TENM4: variants seen among roughly 807,000 people sequenced by gnomAD.
TENM4 encodes teneurin-4.
Under a neutral mutation model 243.3 loss-of-function variants are expected in TENM4, and 82 were observed. The observed-to-expected ratio is 0.34, with a 90% confidence interval of 0.28 to 0.40. The LOEUF is 0.40. Ranked by LOEUF, TENM4 falls within the 10% of genes least tolerant of loss-of-function variation. The pLI, the probability that TENM4 is intolerant of heterozygous loss-of-function variation, is 1.00. For synonymous variants in TENM4, 1,412 were observed against 1,456.3 expected (o/e 0.97, Z 0.69); for missense variants, 3,138 against 3,673.3 (o/e 0.85, Z 3.77).
chr11:79,064,470 C>A (rs1412153579), intron 6 of TENM4: 2 of 462,430 alleles, frequency 4.3e-6, no homozygotes, highest in Admixed American at 3.6e-5. Context: ...TGCTCCCCTG[C>A]ACACAGGCAC....
chr11:79,371,252 A>G (rs1857779120), intron 1 of TENM4, among the ~76,000 whole-genome samples: 1 of 152,152 alleles, frequency 6.6e-6, no homozygotes, highest in South Asian at 2.1e-4. Flanking sequence ...CTACCTAGTC[A>G]AGGTAAGTAC....
At chr11:78,943,325 G>C (rs180958833) in intron 6 of TENM4, among the ~76,000 whole-genome samples, 2 of 152,182 alleles carry the variant, frequency 1.3e-5, no homozygotes, top group Non-Finnish European at 2.9e-5. Context: ...CTTGACTCTT[G>C]GAAGAAGTGA....
chr11:78,798,326 C>T (rs1857207803), intron 15 of TENM4, among the ~76,000 whole-genome samples: 1 of 152,176 alleles, frequency 6.6e-6, no homozygotes, highest in Admixed American at 6.5e-5. Flanking sequence ...CAGGGCTTTT[C>T]AGCGCCATAT....
intron 30 of TENM4, among the ~76,000 whole-genome samples, chr11:78,675,900 A>G (rs188586248): frequency 2.8e-4 from 42 of 152,320 alleles, no homozygotes; most frequent in Non-Finnish European, 3.2e-4. Flanking sequence ...GATCTGTCCA[A>G]GCTCACTCAG....
intron 1 of TENM4, among the ~76,000 whole-genome samples, chr11:79,433,395 C>T (rs1859207575): frequency 6.6e-6 from 1 of 152,094 alleles, no homozygotes; most frequent in Admixed American, 6.5e-5. Flanking sequence ...CTCTCTTCTC[C>T]CAAACCAATT....
intron 12 of TENM4, among the ~76,000 whole-genome samples, chr11:78,831,289 G>A (rs1857973201): frequency 1.3e-5 from 2 of 152,242 alleles, no homozygotes; most frequent in African/African-American, 4.8e-5. Context: ...CTGCTGTACT[G>A]TAACACGAGC....
intron 19 of TENM4, among the ~76,000 whole-genome samples, chr11:78,740,309 G>C (rs1174405998): frequency 6.6e-6 from 1 of 152,102 alleles, no homozygotes; most frequent in African/African-American, 2.4e-5. Context: ...GTGTCAGCTT[G>C]TCCTTTCTGA....
intron 6 of TENM4, among the ~76,000 whole-genome samples, chr11:78,981,851 T>C (rs1357426720): frequency 6.6e-6 from 1 of 152,160 alleles, no homozygotes; most frequent in Non-Finnish European, 1.5e-5. Context: ...ACCCTTATTG[T>C]TGAGCCATGT....
intron 25 of TENM4, among the ~76,000 whole-genome samples, chr11:78,714,797 T>C (rs572131523): frequency 1.6e-4 from 25 of 151,700 alleles, no homozygotes; most frequent in African/African-American, 5.1e-4. Flanking sequence ...CTCCCTTTCC[T>C]ACTCACCCTT....
chr11:79,374,105 C>G (rs1375057388), intron 1 of TENM4, among the ~76,000 whole-genome samples: 1 of 152,118 alleles, frequency 6.6e-6, no homozygotes, highest in Non-Finnish European at 1.5e-5. Context: ...GAATTCAAGC[C>G]AGCACGAAGG....
At chr11:78,835,983 C>T in intron 12 of TENM4, among the ~76,000 whole-genome samples, 1 of 152,204 alleles carries the variant, frequency 6.6e-6, no homozygotes, top group Non-Finnish European at 1.5e-5. Flanking sequence ...CACAAAAATA[C>T]ATGAATGAAT....
intron 1 of TENM4, among the ~76,000 whole-genome samples, chr11:79,324,961 C>T (rs1199754787): frequency 6.6e-6 from 1 of 152,180 alleles, no homozygotes; most frequent in African/African-American, 2.4e-5. Flanking sequence ...CCTCTCTGTG[C>T]CTTCAGTCCC....
intron 29 of TENM4, among the ~76,000 whole-genome samples, chr11:78,683,961 G>A (rs1429884515): frequency 3.9e-5 from 6 of 152,080 alleles, no homozygotes; most frequent in Non-Finnish European, 5.9e-5. Flanking sequence ...CACTGCCCCC[G>A]TCTTCAGTAA....
In TENM4 at chr11:79,243,801, C is replaced by T. The variant is rs376569031; in HGVS notation, c.-264-27892G>A. On this transcript the variant is annotated intron_variant, in intron 2 of 33. Transcript: ENST00000278550. ...CGCTGAGGCTCAGATAAGTCATGTG[C>T]CAGCCAAGAGCAGGCGGCAACTGAG... Among the ~76,000 whole-genome samples the T allele has an allele frequency of 3.3e-5, 5 of 152,336 alleles. No individual in the cohort carries two copies. The East Asian group carries it at 5.8e-4, about 18-fold the overall frequency.
chr11:78,977,646 A>G (rs967540520), intron 6 of TENM4, among the ~76,000 whole-genome samples: 3 of 152,218 alleles, frequency 2.0e-5, no homozygotes, highest in African/African-American at 7.2e-5. Context: ...AATCAAAACC[A>G]CAATGAAATA....
intron 1 of TENM4, among the ~76,000 whole-genome samples, chr11:79,413,422 C>T (rs1590948623): frequency 1.3e-5 from 2 of 152,330 alleles, no homozygotes; most frequent in South Asian, 4.1e-4. Flanking sequence ...TTTCCCTTTC[C>T]CCGCCTCCCT....
At chr11:79,008,996 T>C (rs778753023) in intron 6 of TENM4, among the ~76,000 whole-genome samples, 13 of 152,240 alleles carry the variant, frequency 8.5e-5, no homozygotes, top group Non-Finnish European at 1.9e-4. Flanking sequence ...TTAGTTTGCA[T>C]TTTTGGATTA....
In TENM4 at chr11:78,877,412, G is replaced by A. The variant is rs547541174; in HGVS notation, c.1084+12373C>T. 1.5e-4 allele frequency among the ~76,000 whole-genome samples: 23 copies of A among 152,266 alleles called. 1 individual carries two copies. The highest frequency in any genetic ancestry group is 1.4e-3 in the Admixed American group (21 of 15,300). ...CTCAGTGCAAGAATAGCCATCAGGG[G>A]GGCTGTTTTCTCTTTCTCTCTGCAC... On this transcript the variant is annotated intron_variant, in intron 9 of 33. Coordinates refer to ENST00000278550, the MANE Select transcript of TENM4 (RefSeq NM_001098816.3).
chr11:79,370,001 G>A (rs780502960), intron 1 of TENM4, among the ~76,000 whole-genome samples: 8 of 152,160 alleles, frequency 5.3e-5, no homozygotes, highest in Non-Finnish European at 8.8e-5. Context: ...GCAATTTTCC[G>A]TAAGCTGCTT....
Sources: allele counts gnomAD v4.1 joint callset (sites outside exome capture counted in the v4.1 genomes callset), GRCh38; gene constraint gnomAD v4.1.1; transcripts MANE v1.5; gene names NCBI Gene and HGNC (gene_info 2026-07-23, HGNC 2026-07-21).